LARGE1: variants seen among roughly 807,000 people sequenced by gnomAD.
The protein encoded by LARGE1 is xylosyl- and glucuronyltransferase LARGE1.
Under a neutral mutation model 87.6 loss-of-function variants are expected in LARGE1, and 43 were observed. That is an observed-to-expected ratio of 0.49 (90% CI 0.38 to 0.63). The LOEUF (loss-of-function observed/expected upper bound fraction) is 0.63. Ranked by LOEUF, LARGE1 falls within the 30% of genes least tolerant of loss-of-function variation. LARGE1 has a pLI of 0.00. For synonymous variants in LARGE1, 434 were observed against 394.6 expected (o/e 1.10, Z -1.18); for missense variants, 802 against 1,000.2 (o/e 0.80, Z 2.67).
At chr22:33,510,892 T>C (rs1435713605) in intron 6 of LARGE1, among the ~76,000 whole-genome samples, 1 of 152,194 alleles carries the variant, frequency 6.6e-6, no homozygotes, top group Admixed American at 6.5e-5. Context: ...CAGCCTGGCT[T>C]AGCTTTTGGT....
rs557205530 is a variant in LARGE1, at chr22:33,845,554, C to T, written c.-83+74441G>A. ...AACTCCTGACCTCAGATCATCTACC[C>T]GCCTCAGCCTCCCAAAGTGCTGGAA... On this transcript the variant is annotated intron_variant, in intron 1 of 14. Transcript: ENST00000397394. Among the ~76,000 whole-genome samples, 23 of 152,174 alleles carry T rather than the reference C, an allele frequency of 1.5e-4. No individual in the cohort carries two copies. The South Asian group carries it at 2.9e-3, about 19-fold the overall frequency.
chr22:33,283,774 C>T (rs1479999048), intron 12 of LARGE1, among the ~76,000 whole-genome samples: 3 of 115,462 alleles, frequency 2.6e-5, no homozygotes, highest in Non-Finnish European at 5.1e-5. Context: ...TAGATTCTGT[C>T]AAAAAAAAGG....
chr22:33,842,883 TCTCA>T (rs1396044467), intron 1 of LARGE1, among the ~76,000 whole-genome samples: 3 of 151,972 alleles, frequency 2.0e-5, no homozygotes, highest in East Asian at 3.9e-4. Flanking sequence ...TGTTGCTCTC[TCTCA>T]CTCACATTTC....
chr22:33,802,637 G>A (rs570146079), intron 1 of LARGE1, among the ~76,000 whole-genome samples: 4 of 152,314 alleles, frequency 2.6e-5, no homozygotes, highest in Admixed American at 2.6e-4. Context: ...AAGGTGACAA[G>A]TAACTCTTAT....
chr22:33,735,304 T>C (rs2083615897), intron 2 of LARGE1, among the ~76,000 whole-genome samples: 1 of 152,236 alleles, frequency 6.6e-6, no homozygotes, highest in South Asian at 2.1e-4. Context: ...AAAAACTTAC[T>C]GTTCTTTGTT....
intron 1 of LARGE1, among the ~76,000 whole-genome samples, chr22:33,762,591 G>A (rs1433229714): frequency 2.6e-5 from 4 of 152,192 alleles, no homozygotes; most frequent in Non-Finnish European, 5.9e-5. Flanking sequence ...AAGAGGTCCA[G>A]AGAATCACAG....
chr22:33,590,929 G>A (rs757972922), intron 5 of LARGE1, among the ~76,000 whole-genome samples: 7 of 152,202 alleles, frequency 4.6e-5, no homozygotes, highest in South Asian at 2.1e-4. Context: ...AAGGCCGGGC[G>A]TGGTGGCTCA....
intron 6 of LARGE1, among the ~76,000 whole-genome samples, chr22:33,508,053 T>C (rs1036109916): frequency 6.6e-6 from 1 of 150,972 alleles, no homozygotes; most frequent in African/African-American, 2.4e-5. Flanking sequence ...TTCCCTTTGA[T>C]AATGTGCTCC....
downstream of LARGE1, among the ~76,000 whole-genome samples, chr22:33,271,903 T>C (rs952488952): frequency 1.3e-5 from 2 of 152,238 alleles, no homozygotes; most frequent in African/African-American, 2.4e-5. Flanking sequence ...CTCCTGTTGG[T>C]GTGAAGTATC....
the LARGE1 span, among the ~76,000 whole-genome samples, chr22:33,106,506 C>CTT: frequency 1.4e-5 from 2 of 138,778 alleles, no homozygotes; most frequent in African/African-American, 2.7e-5. Context: ...TTTTTTTTTT[C>CTT]TTTTTTTGAG....
Position 33,541,259 on chromosome 22 carries a change from G to A in LARGE1, c.787+23589C>T, listed in dbSNP as rs1051630249. Among the ~76,000 whole-genome samples, 16 of 150,922 alleles carry A rather than the reference G, an allele frequency of 1.1e-4. No homozygotes were observed. The East Asian group carries it at 1.4e-3, about 13-fold the overall frequency. On this transcript the variant is annotated intron_variant, in intron 6 of 14. Transcript: ENST00000397394. ...AGGTTAATTGGATCACCAAGATTAC[G>A]GAGCCGGGGCTGGGACTTGAACACA...
intron 11 of LARGE1, among the ~76,000 whole-genome samples, chr22:33,206,877 T>C (rs1258042097): frequency 6.6e-6 from 1 of 152,238 alleles, no homozygotes; most frequent in Non-Finnish European, 1.5e-5. Context: ...CTTCATGGCA[T>C]ATTGGGCAGA....
intron 7 of LARGE1, among the ~76,000 whole-genome samples, chr22:33,388,325 T>G (rs978936582): frequency 6.6e-6 from 1 of 152,252 alleles, no homozygotes; most frequent in Admixed American, 6.5e-5. Flanking sequence ...CTTCCAAAGT[T>G]GGACCGGGAT....
chr22:33,304,389 T>A lies in LARGE1; in HGVS notation c.1570A>T (p.Met524Leu), dbSNP rs2146165030. ...LRYAQGSEVL[M>L]SRHNVGYHIV... is the part of the protein sequence containing the mutation. ...TGGTAGCCCACGTTGTGGCGGCTCATAAGCACCTCAGAGCCCTGTGCGTAG... is the reference window on the plus strand; with the variant it reads ...TGGTAGCCCACGTTGTGGCGGCTCAAAAGCACCTCAGAGCCCTGTGCGTAG... The change falls in exon 12 of 15, where the codon ATG becomes TTG. Residue 524 changes from methionine to leucine, a missense_variant. Around this residue, in one of 2 missense-constraint regions of LARGE1, gnomAD observed 625 missense variants for 841.9 expected, o/e 0.74. Coordinates refer to ENST00000397394, the MANE Select transcript of LARGE1 (RefSeq NM_133642.5). 6.2e-7 allele frequency: 1 copy of A among 1,614,270 alleles called. No individual in the cohort carries two copies. Among genetic ancestry groups the A allele is most frequent in the Non-Finnish European group, 8.5e-7 (1 of 1,180,044 alleles).
chr22:33,156,326 C>T, the LARGE1 span, among the ~76,000 whole-genome samples: 1 of 152,112 alleles, frequency 6.6e-6, no homozygotes, highest in African/African-American at 2.4e-5. Context: ...GCTGGTGGGG[C>T]AGAATGGGGA....
At chr22:33,856,608 C>T (rs954994251) in intron 1 of LARGE1, 3 of 152,196 alleles carry the variant, frequency 2.0e-5, no homozygotes, top group African/African-American at 7.2e-5. Flanking sequence ...TAGGCTGGTG[C>T]GTCTACTTTT....
At chr22:33,884,961 T>TA (rs2064804030) in intron 1 of LARGE1, among the ~76,000 whole-genome samples, 1 of 152,150 alleles carries the variant, frequency 6.6e-6, no homozygotes, top group African/African-American at 2.4e-5. Flanking sequence ...GAGGAATTAA[T>TA]AAAAGGGCAG....
intron 9 of LARGE1, among the ~76,000 whole-genome samples, chr22:33,379,681 T>C (rs983866197): frequency 1.3e-5 from 2 of 152,148 alleles, no homozygotes; most frequent in African/African-American, 4.8e-5. Flanking sequence ...GAAACCATCA[T>C]TCTGAGCAAA....
At chr22:33,769,515 A>G (rs1043713187) in intron 1 of LARGE1, among the ~76,000 whole-genome samples, 5 of 152,290 alleles carry the variant, frequency 3.3e-5, no homozygotes, top group South Asian at 2.1e-4. Flanking sequence ...ATCAATGACT[A>G]TCTCCATCAC....
Sources: allele counts gnomAD v4.1 joint callset (sites outside exome capture counted in the v4.1 genomes callset), GRCh38; gene constraint gnomAD v4.1.1; regional missense constraint gnomAD v4.1.1; transcripts MANE v1.5; gene names NCBI Gene and HGNC (gene_info 2026-07-23, HGNC 2026-07-21).